The following NOTCH4 variants were observed in gnomAD, a reference collection of about 807,000 sequenced individuals.
The protein encoded by NOTCH4 is neurogenic locus notch homolog protein 4.
A neutral mutation model predicts 189.0 loss-of-function variants in NOTCH4; 138 were observed. The ratio of observed to expected loss-of-function variants is 0.73; its 90% CI spans 0.64 to 0.84. NOTCH4 has a LOEUF of 0.84. NOTCH4 is among the 40% of genes least tolerant of loss of function. The pLI is 0.00. For synonymous variants in NOTCH4, 942 were observed against 1,032.8 expected (o/e 0.91, Z 1.69); for missense variants, 2,286 against 2,605.4 (o/e 0.88, Z 2.67).
At chr6:32,219,127 AT>A (rs1241672676) in intron 8 of NOTCH4, among the ~76,000 whole-genome samples, 1 of 151,866 alleles carries the variant, frequency 6.6e-6, no homozygotes, top group Non-Finnish European at 1.5e-5. Flanking sequence ...TCTTGCAGCA[AT>A]TTTTTTCTTG....
rs1333116692 is a variant in NOTCH4 at position 32,195,898 on chromosome 6, G to A, written c.5551C>T (p.Pro1851Ser). ...PRARTVSVSV[P>S]PHGGGALPRC... ...GGCAGAGCCCCGCCCCCATGCGGGGGCACGCTTACTGACACCGTCCGTGCG... is the reference window on the plus strand; with the variant it reads ...GGCAGAGCCCCGCCCCCATGCGGGGACACGCTTACTGACACCGTCCGTGCG... The change falls in exon 30 of 30, where the codon CCC (proline) becomes TCC (serine). Residue 1851 changes from proline (P) to serine (S), a missense_variant. Physicochemically the swap from Pro to Ser is moderately conservative, Grantham distance 74. Transcript: ENST00000375023. This position sits in a 1 kb window ranked among gnomAD's most constrained non-coding sequence, Gnocchi z 5.4. 6.3e-7 allele frequency: 1 copy of A among 1,587,930 alleles called. No individual in the cohort carries two copies. The highest frequency in any genetic ancestry group is 8.5e-7 in the Non-Finnish European group (1 of 1,174,730).
intron 11 of NOTCH4, chr6:32,216,560 G>T: frequency 3.0e-6 from 1 of 331,704 alleles, no homozygotes; most frequent in South Asian, 3.0e-5. Flanking sequence ...TGATCAACAG[G>T]AGACTTGTTG....
At position 32,202,802 on chromosome 6, in the gene NOTCH4, G is replaced by C. The variant is rs981071686; in HGVS notation, c.3232-203C>G. On this transcript the variant is annotated intron_variant, in intron 20 of 29. Transcript: ENST00000375023. This position sits in a 1 kb window ranked among gnomAD's most constrained non-coding sequence, Gnocchi z 5.7. ...TTCACACAATGACATATTACATTCTGTTGAAAATGGATGAAGCACAGCTGT... is the reference window on the plus strand; with the variant it reads ...TTCACACAATGACATATTACATTCTCTTGAAAATGGATGAAGCACAGCTGT... 1 of 529,034 alleles carries C rather than the reference G, an allele frequency of 1.9e-6. No homozygotes were observed. The highest frequency in any genetic ancestry group is 3.3e-6 in the Non-Finnish European group (1 of 299,974). The allele number at this position is 529,034 out of a possible 1,614,324, so 32.8% of individuals were successfully genotyped here.
At chr6:32,215,427 C>A in intron 11 of NOTCH4, 42 bp from the exon 12 acceptor site, 1 of 1,551,794 alleles carries the variant, frequency 6.4e-7, no homozygotes, top group South Asian at 1.2e-5. Flanking sequence ...AGCTCCTCCA[C>A]ATCCTTCATT....
At chr6:32,207,401 A>G (rs2127472501) in intron 18 of NOTCH4, among the ~76,000 whole-genome samples, 1 of 151,662 alleles carries the variant, frequency 6.6e-6, no homozygotes, top group Non-Finnish European at 1.5e-5. Flanking sequence ...AGGTGGGTGG[A>G]TCACCTGAGG....
chr6:32,215,581 T>A (rs1238796826), intron 11 of NOTCH4, among the ~76,000 whole-genome samples, 196 bp from the exon 12 acceptor site: 2 of 152,096 alleles, frequency 1.3e-5, no homozygotes, highest in Admixed American at 1.3e-4. Context: ...ATATGCAGAG[T>A]CCTGCAGGAC....
Position 32,201,048 on chromosome 6 carries a change from G to A in NOTCH4, c.4140-42C>T. ...TCAGAGACCTCTGTATTGGTCCCTGGCTCCCTTTCCTCCCTCTGCCCTCTT... is the reference window on the plus strand; with the variant it reads ...TCAGAGACCTCTGTATTGGTCCCTGACTCCCTTTCCTCCCTCTGCCCTCTT... On this transcript the variant is annotated intron_variant, in intron 22 of 29. Transcript: ENST00000375023. This position sits in a 1 kb window ranked among gnomAD's most constrained non-coding sequence, Gnocchi z 5.5. 1 of 1,560,206 alleles carries A rather than the reference G, an allele frequency of 6.4e-7. No individual in the cohort carries two copies. The highest frequency in any genetic ancestry group is 8.7e-7 in the Non-Finnish European group (1 of 1,153,990).
At chr6:32,203,732 T>C in intron 20 of NOTCH4, 38 bp downstream of exon 20, 1 of 1,456,708 alleles carries the variant, frequency 6.9e-7, no homozygotes, top group Non-Finnish European at 9.4e-7. Flanking sequence ...CTTGTCAGCA[T>C]AGGGGGCAAC....
Position 32,198,959 on chromosome 6 carries a change from C to T in NOTCH4, c.4502G>A (p.Arg1501Gln), listed in dbSNP as rs867581638. ...AATGCTGTCCTCGCCTAGTGGGGGC[C>T]GGCGTCGGTGGGGAGCTGACTGAGT... is the stretch of plus-strand genomic sequence containing the variant. ...PRTQSAPHRRRPPLGEDSIGL... is the reference protein window; with the variant it reads ...PRTQSAPHRRQPPLGEDSIGL... Residue 1501 changes from arginine to glutamine, a missense_variant, in exon 24 of 30, where the codon CGG becomes CAG. By Grantham distance (43) the Arg-to-Gln change is conservative. This residue lies in a region of NOTCH4 where 1,903 missense variants were observed against 2,261.9 expected (regional missense o/e 0.84). Transcript: ENST00000375023. The surrounding 1 kb of genome is among the most constrained non-coding windows in gnomAD (Gnocchi z 5.5). The T allele has an allele frequency of 1.6e-5, 26 of 1,597,368 alleles. No homozygotes were observed. The Middle Eastern group carries it at 1.0e-3, about 61-fold the overall frequency.
In NOTCH4 at chr6:32,223,748, C is replaced by T. The variant is rs1789944815; in HGVS notation, c.73+108G>A. ...TCTATTTGGGCAGTGAGAATCTCCT[C>T]CATCCAGCATCCCTCACACGGCCTG... On this transcript the variant is annotated intron_variant, in intron 1 of 29. Transcript: ENST00000375023. 4.5e-6 allele frequency: 5 copies of T among 1,120,448 alleles called. No individual in the cohort carries two copies. In the South Asian group the frequency reaches 5.8e-5, roughly 13 times the overall value. The allele number at this position is 1,120,448 out of a possible 1,614,324, so 69.4% of individuals were successfully genotyped here.
chr6:32,196,995 C>G lies in NOTCH4; in HGVS notation c.5130G>C (p.Arg1710Ser). ...DGTTPLMLAA[R>S]LAVEDLVEEL... is the part of the protein sequence containing the mutation. ...CTTCAACCAGGTCTTCCACCGCCAG[C>G]CTGGCAGCCAGCATCAAGGGTGTGG... The change falls in exon 28 of 30, where the codon AGG becomes AGC. Residue 1710 changes from arginine to serine, a missense_variant. Physicochemically the swap from Arg to Ser is moderately radical, Grantham distance 110. Transcript: ENST00000375023. The G allele has an allele frequency of 6.2e-7, 1 of 1,613,008 alleles. No homozygotes were observed. Among genetic ancestry groups the G allele is most frequent in the Non-Finnish European group, 8.5e-7 (1 of 1,180,032 alleles).
At chr6:32,216,773 C>G (rs1468788663) in intron 11 of NOTCH4, 172 bp downstream of exon 11, 2 of 832,052 alleles carry the variant, frequency 2.4e-6, no homozygotes, top group Non-Finnish European at 3.9e-6. Context: ...TAACCCCTGC[C>G]CTTGTCCCCA....
Position 32,202,382 on chromosome 6 carries a change from G to A in NOTCH4, c.3449C>T (p.Thr1150Met), listed in dbSNP as rs559963136. ...TCGAAAGCCTGGGCCCCCCAAGCCC[G>A]TGGTCTCTGAGCAGCTGCCATTGTA... ...CLYNGSCSETTGLGGPGFRCS... is the reference protein window; with the variant it reads ...CLYNGSCSETMGLGGPGFRCS... Residue 1150 changes from threonine to methionine, a missense_variant, in exon 21 of 30, where the codon ACG (threonine) becomes ATG (methionine). By Grantham distance (81) the Thr-to-Met change is moderately conservative. Coordinates refer to ENST00000375023, the MANE Select transcript of NOTCH4 (RefSeq NM_004557.4). This position sits in a 1 kb window ranked among gnomAD's most constrained non-coding sequence, Gnocchi z 5.7. 32 of 1,612,730 alleles carry A rather than the reference G, an allele frequency of 2.0e-5. No homozygotes were observed. Among genetic ancestry groups the A allele is most frequent in the African/African-American group, 8.0e-5 (6 of 75,066 alleles).
Position 32,199,005 on chromosome 6 carries a change from C to G in NOTCH4, c.4456G>C (p.Gly1486Arg). ...TGAGTCCGAGGCCGTCGAGTGAAAC[C>G]AGGGGGCAGCCAGAGAGCTCCATGC... ...REHGALWLPP[G>R]FTRRPRTQSA... is the part of the protein sequence containing the mutation. The change falls in exon 24 of 30, where the codon GGT (glycine) becomes CGT (arginine). Residue 1486 changes from glycine (G) to arginine (R), a missense_variant. By Grantham distance (125) the Gly-to-Arg change is moderately radical. Coordinates refer to ENST00000375023, the MANE Select transcript of NOTCH4 (RefSeq NM_004557.4). This position sits in a 1 kb window ranked among gnomAD's most constrained non-coding sequence, Gnocchi z 4.9. 6.2e-7 allele frequency: 1 copy of G among 1,612,198 alleles called. No individual in the cohort carries two copies. The highest frequency in any genetic ancestry group is 8.5e-7 in the Non-Finnish European group (1 of 1,179,552).
In NOTCH4 at chr6:32,200,257, C is replaced by G. The variant is rs551426551; in HGVS notation, c.4315+574G>C. ...ATGGAGTCTCCCTCTGTCGCCCAGG[C>G]TGGAGTGCAGTGGCGCGATCTCGGC... is the stretch of plus-strand genomic sequence containing the variant. On this transcript the variant is annotated intron_variant, in intron 23 of 29. Coordinates refer to ENST00000375023, the MANE Select transcript of NOTCH4 (RefSeq NM_004557.4). The surrounding 1 kb of genome is among the most constrained non-coding windows in gnomAD (Gnocchi z 5.0). Among the ~76,000 whole-genome samples, 8 of 151,406 alleles carry G rather than the reference C, an allele frequency of 5.3e-5. No homozygotes were observed. In the Admixed American group the frequency reaches 5.3e-4, roughly 10 times the overall value.
intron 18 of NOTCH4, 136 bp from the exon 19 acceptor site, chr6:32,204,525 G>A: frequency 2.1e-6 from 2 of 952,800 alleles, no homozygotes; most frequent in Non-Finnish European, 3.1e-6. Context: ...ATCCATCATG[G>A]CCATGTGTCA....
In NOTCH4 at chr6:32,221,423, T is replaced by C. The variant is rs577539824; in HGVS notation, c.452-98A>G. Reference sequence around the variant, plus strand: ...CACTCTGGATTATCTCTGGGTCTCATTTTCATATTTCCTTCCCTTTATTAC... The same window carrying C: ...CACTCTGGATTATCTCTGGGTCTCACTTTCATATTTCCTTCCCTTTATTAC... On this transcript the variant is annotated intron_variant, in intron 3 of 29. Coordinates refer to ENST00000375023, the MANE Select transcript of NOTCH4 (RefSeq NM_004557.4). This position sits in a 1 kb window ranked among gnomAD's most constrained non-coding sequence, Gnocchi z 4.3. 8.4e-5 allele frequency: 70 copies of C among 833,018 alleles called. 2 individuals carry two copies. The South Asian group carries it at 1.1e-3, about 14-fold the overall frequency. 51.6% of individuals were successfully genotyped at this position (833,018 alleles called of 1,614,324 possible). A position where few individuals can be genotyped will look rare whatever the true frequency, so the allele number is the denominator to read the frequency against.
Position 32,198,296 on chromosome 6 carries a change from G to A in NOTCH4, c.4756+125C>T, listed in dbSNP as rs1019529702. 3.9e-6 allele frequency: 4 copies of A among 1,036,550 alleles called. No individual in the cohort carries two copies. Among genetic ancestry groups the A allele is most frequent in the African/African-American group, 1.6e-5 (1 of 62,432 alleles). 64.2% of individuals were successfully genotyped at this position (1,036,550 alleles called of 1,614,324 possible). ...TTGCTGTCTGAGGACCACACTTTGA[G>A]AATCATTGTTCTAAGGCACTCAGTC... On this transcript the variant is annotated intron_variant, in intron 26 of 29. Transcript: ENST00000375023. This position sits in a 1 kb window ranked among gnomAD's most constrained non-coding sequence, Gnocchi z 5.5.
At chr6:32,218,370 C>A (rs3134932) in intron 8 of NOTCH4, among the ~76,000 whole-genome samples, 51,561 of 151,988 alleles carry the variant, frequency 0.34, 9,412 homozygotes, top group Middle Eastern at 0.45. Context: ...GGTGGCCATT[C>A]CTGTGTATAC....
Sources: allele counts gnomAD v4.1 joint callset (sites outside exome capture counted in the v4.1 genomes callset), GRCh38; gene constraint gnomAD v4.1.1; regional missense constraint gnomAD v4.1.1; non-coding constraint Gnocchi (gnomAD v3.1); transcripts MANE v1.5; gene names NCBI Gene and HGNC (gene_info 2026-07-23, HGNC 2026-07-21).